The following SH3RF2 variants were observed in gnomAD, a reference collection of about 807,000 sequenced individuals.
SH3RF2 encodes SH3 domain containing ring finger 2.
SH3RF2 carries 43 observed loss-of-function variants against 59.0 expected under a neutral mutation model. The ratio of observed to expected loss-of-function variants is 0.73; its 90% CI spans 0.57 to 0.94. SH3RF2 has a LOEUF of 0.94. Among genes scored for constraint, SH3RF2 ranks in the 40% least tolerant of loss-of-function variants. The pLI is 0.00. For synonymous variants in SH3RF2, 391 were observed against 391.5 expected (o/e 1.00, Z 0.01); for missense variants, 930 against 940.1 (o/e 0.99, Z 0.14).
chr5:146,005,617 A>G (rs1760611689), intron 4 of SH3RF2, among the ~76,000 whole-genome samples: 1 of 152,124 alleles, frequency 6.6e-6, no homozygotes, highest in African/African-American at 2.4e-5. Context: ...TACTAAACTC[A>G]TTCCTAATTC....
At chr5:145,944,156 G>T (rs1321728717) in intron 2 of SH3RF2, among the ~76,000 whole-genome samples, 1 of 152,080 alleles carries the variant, frequency 6.6e-6, no homozygotes, top group East Asian at 1.9e-4. Flanking sequence ...GTGCTGACAT[G>T]AGGCTTAAAG....
chr5:146,023,206 C>CT (rs1389698269), intron 5 of SH3RF2, among the ~76,000 whole-genome samples: 1 of 151,512 alleles, frequency 6.6e-6, no homozygotes, highest in Non-Finnish European at 1.5e-5. Flanking sequence ...TTCTTTTTTT[C>CT]TTTTTTCTTT....
intron 5 of SH3RF2, among the ~76,000 whole-genome samples, chr5:146,040,115 A>G (rs1168902292): frequency 3.3e-5 from 5 of 152,222 alleles, no homozygotes; most frequent in Non-Finnish European, 7.3e-5. Context: ...TCAGCATTGT[A>G]GCTACCTCTG....
At chr5:145,979,377 T>G (rs116265318) in intron 2 of SH3RF2, among the ~76,000 whole-genome samples, 239 of 152,344 alleles carry the variant, frequency 1.6e-3, no homozygotes, top group African/African-American at 5.4e-3. Context: ...TAAGAGTTAC[T>G]TTTAAAGAGG....
chr5:145,993,644 C>A (rs1760036571), intron 2 of SH3RF2, among the ~76,000 whole-genome samples: 1 of 152,248 alleles, frequency 6.6e-6, no homozygotes, highest in Admixed American at 6.5e-5. Flanking sequence ...TATATTGGCT[C>A]CTTTCAGCCA....
intron 3 of SH3RF2, among the ~76,000 whole-genome samples, chr5:146,001,446 T>G (rs1268577113): frequency 6.6e-6 from 1 of 152,232 alleles, no homozygotes; most frequent in Non-Finnish European, 1.5e-5. Flanking sequence ...TATTTTGAGA[T>G]AATGATCTTT....
intron 4 of SH3RF2, among the ~76,000 whole-genome samples, chr5:146,007,981 G>A (rs1324187904): frequency 6.6e-6 from 1 of 152,158 alleles, no homozygotes; most frequent in Non-Finnish European, 1.5e-5. Context: ...TGGAAGGAAG[G>A]GAGGCTTTCT....
intron 8 of SH3RF2, among the ~76,000 whole-genome samples, chr5:146,057,934 C>A (rs1164437953): frequency 9.4e-6 from 1 of 106,726 alleles, no homozygotes; most frequent in African/African-American, 4.0e-5. Flanking sequence ...TAGTGTCTCT[C>A]TCTCTCTCTC....
rs1417133480 is a variant in SH3RF2, at chr5:145,975,754, A to C, written c.379-24304A>C. ...GGCAGAGAGCCAAAGGAAACAGAAG[A>C]TGTTGAATCATTCCCCTACTGGGGC... On this transcript the variant is annotated intron_variant, in intron 2 of 9. Coordinates refer to ENST00000359120, the MANE Select transcript of SH3RF2 (RefSeq NM_152550.4). 2.6e-5 allele frequency among the ~76,000 whole-genome samples: 4 copies of C among 152,238 alleles called. No individual in the cohort carries two copies. The East Asian group carries it at 7.7e-4, about 29-fold the overall frequency.
chr5:145,952,641 C>T lies in SH3RF2; in HGVS notation c.378+14335C>T, dbSNP rs548385405. Among the ~76,000 whole-genome samples, 67 of 152,280 alleles carry T rather than the reference C, an allele frequency of 4.4e-4. 1 individual carries two copies. In the South Asian group the frequency reaches 0.012, roughly 27 times the overall value. On this transcript the variant is annotated intron_variant, in intron 2 of 9. Transcript: ENST00000359120. ...GAACAAGACAGACGTGTAATGTATA[C>T]TCTAATGGGATAGATAAAAGGAACA...
intron 2 of SH3RF2, among the ~76,000 whole-genome samples, chr5:145,950,858 G>C (rs912810142): frequency 1.3e-5 from 2 of 152,170 alleles, no homozygotes; most frequent in Admixed American, 1.3e-4. Context: ...AGGAAAAATA[G>C]AGCCTGAAAT....
At chr5:146,005,600 T>C (rs1760610458) in intron 4 of SH3RF2, among the ~76,000 whole-genome samples, 1 of 152,176 alleles carries the variant, frequency 6.6e-6, no homozygotes, top group Admixed American at 6.5e-5. Context: ...GATCTTCTTA[T>C]TGTCTCTACT....
Position 146,056,228 on chromosome 5 carries a change from A to C in SH3RF2, c.1555+15A>C. 1 of 1,614,166 alleles carries C rather than the reference A, an allele frequency of 6.2e-7. No homozygotes were observed. Among genetic ancestry groups the C allele is most frequent in the Non-Finnish European group, 8.5e-7 (1 of 1,180,044 alleles). On this transcript the variant is annotated intron_variant, in intron 8 of 9. Coordinates refer to ENST00000359120, the MANE Select transcript of SH3RF2 (RefSeq NM_152550.4). Reference sequence around the variant, plus strand: ...CATGAGAAAGAGTAAGTGGTGGCAGAGAGGTACGTGCCTAGAGCTAAGTGA... The same window carrying C: ...CATGAGAAAGAGTAAGTGGTGGCAGCGAGGTACGTGCCTAGAGCTAAGTGA...
At chr5:146,067,016 C>T (rs1387445483), downstream of SH3RF2, among the ~76,000 whole-genome samples, 1 of 152,064 alleles carries the variant, frequency 6.6e-6, no homozygotes, top group Admixed American at 6.6e-5. Context: ...CTCTGAGGAC[C>T]ATACCTGAGG....
chr5:146,026,604 C>T (rs1237711745), intron 5 of SH3RF2, among the ~76,000 whole-genome samples: 1 of 152,178 alleles, frequency 6.6e-6, no homozygotes. Flanking sequence ...CACAACAGAC[C>T]TGTTTTCTTT....
chr5:146,072,801 G>T (rs1316231517), intron 9 of SH3RF2, among the ~76,000 whole-genome samples: 1 of 152,170 alleles, frequency 6.6e-6, no homozygotes, highest in Non-Finnish European at 1.5e-5. Flanking sequence ...AGATGACCTG[G>T]ATCCAAATAC....
intron 2 of SH3RF2, among the ~76,000 whole-genome samples, chr5:145,948,461 T>C (rs533936317): frequency 1.3e-3 from 205 of 152,336 alleles, no homozygotes; most frequent in African/African-American, 4.8e-3. Context: ...GCCACTTGCA[T>C]GCACAGCATA....
intron 4 of SH3RF2, among the ~76,000 whole-genome samples, chr5:146,009,872 T>G (rs1760803428): frequency 6.6e-6 from 1 of 152,200 alleles, no homozygotes; most frequent in Admixed American, 6.5e-5. Flanking sequence ...ATTTTCTATC[T>G]CAGCTATTTT....
At chr5:146,028,793 A>G (rs1405949828) in intron 5 of SH3RF2, among the ~76,000 whole-genome samples, 4 of 152,108 alleles carry the variant, frequency 2.6e-5, no homozygotes, top group Non-Finnish European at 5.9e-5. Context: ...CCAGCAGACC[A>G]CTCTTCTCAA....
Sources: allele counts gnomAD v4.1 joint callset (sites outside exome capture counted in the v4.1 genomes callset), GRCh38; gene constraint gnomAD v4.1.1; transcripts MANE v1.5; gene names NCBI Gene and HGNC (gene_info 2026-07-23, HGNC 2026-07-21).